Variants in ABCD3 observed in about 807,000 individuals in gnomAD.
ABCD3 encodes the protein ATP binding cassette subfamily D member 3.
A neutral mutation model predicts 105.5 loss-of-function variants in ABCD3; 41 were observed. That is an observed-to-expected ratio of 0.39 (90% CI 0.30 to 0.50). The LOEUF is 0.50. ABCD3 is among the 20% of genes least tolerant of loss of function. ABCD3 has a pLI of 0.84. For missense variants in ABCD3, 622 were observed against 806.3 expected (o/e 0.77, Z 2.77); for synonymous variants, 258 against 269.0 (o/e 0.96, Z 0.40).
At chr1:94,487,518 T>C in intron 10 of ABCD3, 24 bp from the exon 11 acceptor site, 1 of 1,609,340 alleles carries the variant, frequency 6.2e-7, no homozygotes, top group Non-Finnish European at 8.5e-7. Context: ...AAAAAGATGG[T>C]TTTTTGTTTT....
chr1:94,456,234 C>A (rs1489707993), intron 1 of ABCD3, among the ~76,000 whole-genome samples: 2 of 141,570 alleles, frequency 1.4e-5, no homozygotes, highest in East Asian at 4.2e-4. Context: ...CCGGTTCATC[C>A]ATGTTGTTGC....
chr1:94,453,677 A>C (rs960004105), intron 1 of ABCD3, among the ~76,000 whole-genome samples: 1 of 150,832 alleles, frequency 6.6e-6, no homozygotes, highest in Non-Finnish European at 1.5e-5. Flanking sequence ...ATTTCTTTAC[A>C]TAGAGTTGAG....
intron 1 of ABCD3, among the ~76,000 whole-genome samples, chr1:94,458,221 T>C (rs1252895792): frequency 2.6e-5 from 4 of 152,160 alleles, no homozygotes; most frequent in South Asian, 2.1e-4. Flanking sequence ...GAGGGAGCAA[T>C]GCACATTTTC....
At chr1:94,397,783 G>C in the ABCD3 span, among the ~76,000 whole-genome samples, 11 of 152,278 alleles carry the variant, frequency 7.2e-5, no homozygotes, top group African/African-American at 2.2e-4. Context: ...TGCTTGGAGG[G>C]AGGAATATCA....
At chr1:94,443,302 T>TA (rs1192096617) in intron 1 of ABCD3, among the ~76,000 whole-genome samples, 1 of 152,194 alleles carries the variant, frequency 6.6e-6, no homozygotes, top group Non-Finnish European at 1.5e-5. Context: ...GCCCACTTTT[T>TA]AATAGGGTTA....
intron 1 of ABCD3, among the ~76,000 whole-genome samples, chr1:94,452,515 T>G (rs1647303420): frequency 6.6e-6 from 1 of 152,224 alleles, no homozygotes; most frequent in Non-Finnish European, 1.5e-5. Context: ...ATGAAGTTCT[T>G]TGAGTACCAT....
At chr1:94,492,359 GCT>G (rs1225464476) in intron 16 of ABCD3, among the ~76,000 whole-genome samples, 2 of 152,088 alleles carry the variant, frequency 1.3e-5, no homozygotes, top group African/African-American at 4.8e-5. Flanking sequence ...TCAGTTTTCT[GCT>G]CTTAGTAATT....
chr1:94,436,468 T>C (rs1310966053), intron 1 of ABCD3, among the ~76,000 whole-genome samples: 1 of 152,244 alleles, frequency 6.6e-6, no homozygotes, highest in Non-Finnish European at 1.5e-5. Context: ...GCTCTTTCCA[T>C]TCTTCCTTAT....
In ABCD3 at chr1:94,518,118, A is replaced by G. The variant is rs1421421355; in HGVS notation, c.*989A>G. The G allele has an allele frequency of 1.3e-5, 2 of 152,010 alleles. No homozygotes were observed. The highest frequency in any genetic ancestry group is 2.9e-5 in the Non-Finnish European group (2 of 67,820). The allele number at this position is 152,010 out of a possible 1,614,324, so 9.4% of individuals were successfully genotyped here. A position where few individuals can be genotyped will look rare whatever the true frequency, so the allele number is the denominator to read the frequency against. ...ATTATTATATATACATGGGTGAATTATGTTTCCGAGGCACTGTTTTATCTC... is the reference window on the plus strand; with the variant it reads ...ATTATTATATATACATGGGTGAATTGTGTTTCCGAGGCACTGTTTTATCTC... On this transcript the variant is annotated 3_prime_UTR_variant, in exon 23 of 23. Transcript: ENST00000370214.
intron 1 of ABCD3, among the ~76,000 whole-genome samples, chr1:94,454,890 G>A (rs61772853): frequency 1.3e-5 from 2 of 152,158 alleles, no homozygotes; most frequent in African/African-American, 4.8e-5. Context: ...GACCTCAAGC[G>A]ATCCACTAGC....
At chr1:94,468,751 A>G (rs1320639775) in intron 4 of ABCD3, among the ~76,000 whole-genome samples, 1 of 152,230 alleles carries the variant, frequency 6.6e-6, no homozygotes, top group Non-Finnish European at 1.5e-5. Context: ...AAATTGTTAA[A>G]TGCCCCAACA....
At chr1:94,509,754 A>T (rs1272485535) in intron 21 of ABCD3, among the ~76,000 whole-genome samples, 1 of 152,116 alleles carries the variant, frequency 6.6e-6, no homozygotes, top group Non-Finnish European at 1.5e-5. Context: ...CATTTCTTCT[A>T]GATTTTCTAG....
At chr1:94,430,255 G>A (rs1461404987) in intron 1 of ABCD3, among the ~76,000 whole-genome samples, 1 of 140,688 alleles carries the variant, frequency 7.1e-6, no homozygotes, top group Non-Finnish European at 1.6e-5. Context: ...CAGGCTCGTG[G>A]GCAGGTCTCA....
At chr1:94,414,417 G>C (rs1658963027), upstream of ABCD3, among the ~76,000 whole-genome samples, 1 of 152,010 alleles carries the variant, frequency 6.6e-6, no homozygotes. Flanking sequence ...TATTTGATCT[G>C]TGCTGCCCTG....
intron 15 of ABCD3, among the ~76,000 whole-genome samples, chr1:94,490,699 T>C (rs1254133808): frequency 6.6e-6 from 1 of 152,072 alleles, no homozygotes; most frequent in African/African-American, 2.4e-5. Context: ...TTTCCATATA[T>C]GGACTATTGT....
At chr1:94,507,112 G>A (rs1386180781) in intron 21 of ABCD3, among the ~76,000 whole-genome samples, 3 of 151,896 alleles carry the variant, frequency 2.0e-5, no homozygotes, top group African/African-American at 7.2e-5. Flanking sequence ...CTAGCATTAG[G>A]TATATCTCCC....
Position 94,466,735 on chromosome 1 carries a change from T to G in ABCD3, c.247-1184T>G, listed in dbSNP as rs143613163. 1.7e-3 allele frequency among the ~76,000 whole-genome samples: 254 copies of G among 152,336 alleles called. 1 individual carries two copies. The highest frequency in any genetic ancestry group is 2.2e-3 in the Non-Finnish European group (147 of 68,028). On this transcript the variant is annotated intron_variant, in intron 3 of 22. Coordinates refer to ENST00000370214, the MANE Select transcript of ABCD3 (RefSeq NM_002858.4). ...ATACAAGCTTCTCTGGAAAGATGCA[T>G]ATGTTACCTTCCAATCAGTTAACAG...
chr1:94,493,220 A>C (rs999597159), intron 16 of ABCD3, among the ~76,000 whole-genome samples: 3 of 151,966 alleles, frequency 2.0e-5, no homozygotes, highest in Admixed American at 2.0e-4. Flanking sequence ...TAATATCCAG[A>C]ATCTACAATG....
chr1:94,391,400 G>A, the ABCD3 span, among the ~76,000 whole-genome samples: 2 of 152,260 alleles, frequency 1.3e-5, no homozygotes, highest in South Asian at 4.1e-4. Context: ...AGCCATTGCT[G>A]CAGATTCTTC....
Sources: allele counts gnomAD v4.1 joint callset (sites outside exome capture counted in the v4.1 genomes callset), GRCh38; gene constraint gnomAD v4.1.1; transcripts MANE v1.5; gene names NCBI Gene and HGNC (gene_info 2026-07-23, HGNC 2026-07-21).